Variants in CTNNA2 observed in about 807,000 individuals in gnomAD.
CTNNA2 encodes catenin alpha-2.
In CTNNA2, 42 loss-of-function variants were observed where a neutral mutation model predicts 101.0. That is an observed-to-expected ratio of 0.42 (90% CI 0.32 to 0.54). The LOEUF is 0.54. CTNNA2 is among the 20% of genes least tolerant of loss of function. The pLI is 0.14. For missense variants in CTNNA2, 871 were observed against 1,223.1 expected (o/e 0.71, Z 4.29); for synonymous variants, 450 against 456.4 (o/e 0.99, Z 0.18).
intron 3 of CTNNA2, among the ~76,000 whole-genome samples, chr2:79,831,477 A>C (rs1376531880): frequency 6.6e-6 from 1 of 152,018 alleles, no homozygotes; most frequent in African/African-American, 2.4e-5. Context: ...ATGTTCTTAG[A>C]TAAACAAGGT....
chr2:80,340,485 A>G (rs1260015589), intron 7 of CTNNA2, among the ~76,000 whole-genome samples: 5 of 152,146 alleles, frequency 3.3e-5, no homozygotes, highest in African/African-American at 1.2e-4. Flanking sequence ...TAATCTTCAT[A>G]ATTTTCTACT....
At chr2:79,629,873 A>G (rs1262554118) in intron 1 of CTNNA2, among the ~76,000 whole-genome samples, 5 of 152,102 alleles carry the variant, frequency 3.3e-5, no homozygotes, top group Admixed American at 2.0e-4. Flanking sequence ...CAGATTCCCA[A>G]ATGTATCAAA....
intron 9 of CTNNA2, among the ~76,000 whole-genome samples, chr2:80,491,579 T>A (rs1337920637): frequency 6.6e-6 from 1 of 152,170 alleles, no homozygotes; most frequent in African/African-American, 2.4e-5. Flanking sequence ...AAATATCTGG[T>A]TGGAGGAAGA....
intron 4 of CTNNA2, among the ~76,000 whole-genome samples, chr2:79,860,506 G>C (rs1268218024): frequency 7.2e-6 from 1 of 138,778 alleles, no homozygotes; most frequent in Non-Finnish European, 1.5e-5. Context: ...GTAATGGGGA[G>C]TCAATTGCAA....
At chr2:80,634,033 G>A (rs952420391) in intron 18 of CTNNA2, among the ~76,000 whole-genome samples, 1 of 152,124 alleles carries the variant, frequency 6.6e-6, no homozygotes, top group African/African-American at 2.4e-5. Flanking sequence ...ACTGAACTAG[G>A]CATTGTGCCC....
chr2:79,344,585 A>G (rs1421066755), intron 3 of CTNNA2, among the ~76,000 whole-genome samples: 1 of 151,958 alleles, frequency 6.6e-6, no homozygotes, highest in African/African-American at 2.4e-5. Flanking sequence ...TGCTTCTACC[A>G]AGAATACTTC....
intron 3 of CTNNA2, among the ~76,000 whole-genome samples, chr2:79,346,602 T>C (rs188032149): frequency 6.6e-6 from 1 of 152,334 alleles, no homozygotes; most frequent in East Asian, 1.9e-4. Context: ...CTGTAGGTCT[T>C]CAGCCCAGAG....
At chr2:79,966,702 C>T (rs568789158) in intron 7 of CTNNA2, among the ~76,000 whole-genome samples, 1 of 152,330 alleles carries the variant, frequency 6.6e-6, no homozygotes, top group South Asian at 2.1e-4. Flanking sequence ...ATGGAAATTG[C>T]TCTTTTCAAA....
intron 2 of CTNNA2, among the ~76,000 whole-genome samples, chr2:79,658,745 T>C (rs1291080275): frequency 6.6e-6 from 1 of 151,948 alleles, no homozygotes; most frequent in South Asian, 2.1e-4. Context: ...GATAAAAGAA[T>C]ATCATTGATG....
intron 7 of CTNNA2, among the ~76,000 whole-genome samples, chr2:80,153,123 C>T (rs138474366): frequency 2.1e-4 from 32 of 152,298 alleles, no homozygotes; most frequent in Middle Eastern, 3.4e-3. Context: ...ACTGGTGCCA[C>T]GGAAAGCGTT....
chr2:79,233,566 T>A (rs1475623551), intron 2 of CTNNA2, among the ~76,000 whole-genome samples: 1 of 152,152 alleles, frequency 6.6e-6, no homozygotes, highest in Non-Finnish European at 1.5e-5. Flanking sequence ...GTCTATTAGG[T>A]CCAATTGGTC....
At chr2:80,172,235 C>T (rs1230311562) in intron 7 of CTNNA2, among the ~76,000 whole-genome samples, 1 of 152,174 alleles carries the variant, frequency 6.6e-6, no homozygotes, top group Non-Finnish European at 1.5e-5. Context: ...CTGCTTATTC[C>T]TCTTAATTTA....
rs191625641 is a variant in CTNNA2 at position 79,949,653 on chromosome 2, C to G, written c.1056+39856C>G. Among the ~76,000 whole-genome samples, 7 of 152,140 alleles carry G rather than the reference C, an allele frequency of 4.6e-5. No homozygotes were observed. The East Asian group carries it at 1.2e-3, about 25-fold the overall frequency. ...ATTAGGCCAACATTGTGGTACCTGC[C>G]TATAGTCACAGCTATTTGGGAAGCT... is the stretch of plus-strand genomic sequence containing the variant. On this transcript the variant is annotated intron_variant, in intron 7 of 18. Coordinates refer to ENST00000402739, the MANE Select transcript of CTNNA2 (RefSeq NM_001282597.3).
chr2:80,589,220 C>T, intron 14 of CTNNA2, 84 bp from the exon 15 acceptor site: 1 of 1,398,392 alleles, frequency 7.2e-7, no homozygotes, highest in Non-Finnish European at 9.9e-7. Flanking sequence ...GGGTCTGGCT[C>T]TGCCATCCGC....
chr2:80,579,988 A>G (rs1695387252), intron 13 of CTNNA2, among the ~76,000 whole-genome samples: 1 of 152,214 alleles, frequency 6.6e-6, no homozygotes, highest in Non-Finnish European at 1.5e-5. Context: ...CAGTCTGTGG[A>G]AGACCATCAC....
At chr2:79,566,453 A>C (rs552790910) in intron 1 of CTNNA2, among the ~76,000 whole-genome samples, 194 of 152,290 alleles carry the variant, frequency 1.3e-3, no homozygotes, top group Non-Finnish European at 1.7e-3. Context: ...AATTTTTTTA[A>C]TGTTGCCAAA....
At chr2:80,352,146 C>G (rs1331787238) in intron 7 of CTNNA2, among the ~76,000 whole-genome samples, 1 of 152,098 alleles carries the variant, frequency 6.6e-6, no homozygotes, top group Non-Finnish European at 1.5e-5. Flanking sequence ...AGCAATCCAG[C>G]TTTCAAGTAA....
At chr2:80,508,903 G>A (rs1264014396) in intron 9 of CTNNA2, among the ~76,000 whole-genome samples, 1 of 152,098 alleles carries the variant, frequency 6.6e-6, no homozygotes, top group Non-Finnish European at 1.5e-5. Context: ...ATATGTACAT[G>A]GGTGACACAT....
At chr2:79,535,100 A>T (rs748072959) in intron 1 of CTNNA2, among the ~76,000 whole-genome samples, 3 of 152,222 alleles carry the variant, frequency 2.0e-5, no homozygotes, top group Non-Finnish European at 4.4e-5. Context: ...CATGCAAAAA[A>T]ATTTAACATA....
Sources: gnomAD v4.1 joint callset for allele counts (sites outside exome capture counted in the v4.1 genomes callset) on GRCh38, gnomAD v4.1.1 for gene constraint, MANE v1.5 for transcripts, NCBI Gene and HGNC (gene_info 2026-07-23, HGNC 2026-07-21) for gene names.